The following MAN2A1 variants were observed in gnomAD, a reference collection of about 807,000 sequenced individuals.
MAN2A1 encodes the protein mannosidase alpha class 2A member 1.
MAN2A1 carries 76 observed loss-of-function variants against 142.6 expected under a neutral mutation model. The ratio of observed to expected loss-of-function variants is 0.53; its 90% CI spans 0.44 to 0.65. The LOEUF (loss-of-function observed/expected upper bound fraction) is 0.65, where lower values mean the gene tolerates loss of function less well. Among genes scored for constraint, MAN2A1 ranks in the 30% least tolerant of loss-of-function variants. The pLI, the probability that MAN2A1 is intolerant of heterozygous loss-of-function variation, is 0.00. For synonymous variants in MAN2A1, 559 were observed against 473.2 expected (o/e 1.18, Z -2.35); for missense variants, 1,311 against 1,365.1 (o/e 0.96, Z 0.62).
At chr5:109,692,964 A>T (rs1036762454) in intron 1 of MAN2A1, among the ~76,000 whole-genome samples, 1 of 152,036 alleles carries the variant, frequency 6.6e-6, no homozygotes, top group Admixed American at 6.6e-5. Flanking sequence ...TGCTGATCTG[A>T]CAGGAGGTGG....
chr5:109,710,747 A>T (rs1042517357), intron 1 of MAN2A1, among the ~76,000 whole-genome samples: 1 of 151,642 alleles, frequency 6.6e-6, no homozygotes, highest in African/African-American at 2.4e-5. Context: ...CTGGGGTGCA[A>T]TGGTGCGATC....
At chr5:109,746,976 T>A (rs1752426077) in intron 4 of MAN2A1, among the ~76,000 whole-genome samples, 1 of 152,246 alleles carries the variant, frequency 6.6e-6, no homozygotes, top group African/African-American at 2.4e-5. Flanking sequence ...GATATTCCCC[T>A]GTATGTATTG....
At chr5:109,752,199 C>G (rs931285613) in intron 4 of MAN2A1, among the ~76,000 whole-genome samples, 4 of 152,164 alleles carry the variant, frequency 2.6e-5, no homozygotes, top group Admixed American at 6.6e-5. Flanking sequence ...TCTTCCTCCT[C>G]CTCCATATTT....
intron 9 of MAN2A1, 29 bp downstream of exon 9, chr5:109,781,627 A>AT (rs1349115895): frequency 7.0e-7 from 1 of 1,429,274 alleles, no homozygotes; most frequent in Non-Finnish European, 9.5e-7. Flanking sequence ...AGCTACATGT[A>AT]TTTTTTCACT....
chr5:109,850,808 T>C (rs961272502), intron 19 of MAN2A1, among the ~76,000 whole-genome samples: 9 of 152,202 alleles, frequency 5.9e-5, no homozygotes, highest in Non-Finnish European at 1.3e-4. Context: ...TAATTTAATG[T>C]TTTTATGTTG....
intron 20 of MAN2A1, among the ~76,000 whole-genome samples, chr5:109,858,440 A>G (rs572561163): frequency 6.7e-6 from 1 of 150,132 alleles, no homozygotes. Flanking sequence ...TGCTTATACT[A>G]AAAAAAAAGA....
At chr5:109,786,474 T>A (rs189297822) in intron 10 of MAN2A1, among the ~76,000 whole-genome samples, 279 of 152,222 alleles carry the variant, frequency 1.8e-3, no homozygotes, top group Non-Finnish European at 3.3e-3. Context: ...GGAAGAGCTA[T>A]CATTGGTTCC....
At chr5:109,721,950 A>G (rs1318866152) in intron 3 of MAN2A1, among the ~76,000 whole-genome samples, 3 of 152,184 alleles carry the variant, frequency 2.0e-5, no homozygotes, top group Non-Finnish European at 4.4e-5. Flanking sequence ...CCTTTCAGCA[A>G]CTTCATGACA....
intron 3 of MAN2A1, among the ~76,000 whole-genome samples, chr5:109,724,073 T>C (rs1415332510): frequency 2.0e-5 from 3 of 152,230 alleles, no homozygotes; most frequent in African/African-American, 7.2e-5. Context: ...AATAGAAGTG[T>C]TGGAATTAAA....
chr5:109,739,226 T>C (rs1315230837), intron 4 of MAN2A1, among the ~76,000 whole-genome samples: 1 of 152,188 alleles, frequency 6.6e-6, no homozygotes, highest in Non-Finnish European at 1.5e-5. Context: ...GAAGGTAACT[T>C]TTTCCCCATG....
chr5:109,713,433 A>G, intron 1 of MAN2A1, 87 bp from the exon 2 acceptor site: 2 of 1,175,816 alleles, frequency 1.7e-6, no homozygotes, highest in Non-Finnish European at 2.3e-6. Flanking sequence ...CTCGTAGGCA[A>G]CCACATAATT....
intron 1 of MAN2A1, among the ~76,000 whole-genome samples, chr5:109,712,188 G>A (rs1751320763): frequency 1.3e-5 from 2 of 151,062 alleles, no homozygotes; most frequent in African/African-American, 4.9e-5. Context: ...GCCTTTTCTT[G>A]GTAGATCTCA....
intron 12 of MAN2A1, 97 bp from the exon 13 acceptor site, chr5:109,817,176 A>G (rs960185682): frequency 9.1e-6 from 2 of 218,832 alleles, no homozygotes; most frequent in Admixed American, 1.2e-4. Context: ...AAAAATATAT[A>G]TGTATATGTA....
chr5:109,845,933 C>T lies in MAN2A1; in HGVS notation c.2769C>T (p.Ala923=). 1 of 1,613,764 alleles carries T rather than the reference C, an allele frequency of 6.2e-7. No individual in the cohort carries two copies. Among genetic ancestry groups the T allele is most frequent in the Non-Finnish European group, 8.5e-7 (1 of 1,179,736 alleles). The part of the protein sequence containing the change: ...QANVYPMTTM[A]YIQDAKHRLT... ...ATGTCTATCCCATGACCACAATGGC[C>T]TATATCCAGGATGCCAAACATCGTT... The change falls in exon 18 of 22, where the codon GCC becomes GCT. Residue 923 remains alanine, a synonymous_variant. Coordinates refer to ENST00000261483, the MANE Select transcript of MAN2A1 (RefSeq NM_002372.4).
rs973243876 is a variant in MAN2A1, at chr5:109,867,111, C to G, written c.*113C>G. The G allele has an allele frequency of 5.2e-5, 29 of 562,256 alleles. No homozygotes were observed. Among genetic ancestry groups the G allele is most frequent in the African/African-American group, 4.6e-4 (20 of 43,630 alleles). 34.8% of individuals were successfully genotyped at this position (562,256 alleles called of 1,614,324 possible). On this transcript the variant is annotated 3_prime_UTR_variant, in exon 22 of 22. Transcript: ENST00000261483. ...TCTGGCTACTGTGAGAACATGAATT[C>G]TGTGATTCTGTGGGTTTTTTCTTTT...
intron 16 of MAN2A1, among the ~76,000 whole-genome samples, chr5:109,829,709 C>G (rs1754855384): frequency 6.6e-6 from 1 of 152,176 alleles, no homozygotes; most frequent in African/African-American, 2.4e-5. Flanking sequence ...AAGCCCTGCT[C>G]TTGTCTGCAG....
At chr5:109,781,653 CT>C in intron 9 of MAN2A1, 55 bp downstream of exon 9, 1 of 1,247,158 alleles carries the variant, frequency 8.0e-7, no homozygotes, top group Non-Finnish European at 1.1e-6. Context: ...TTATCATAAT[CT>C]TTTTGTAGAG....
intron 20 of MAN2A1, 93 bp from the exon 21 acceptor site, chr5:109,864,943 T>C (rs931278385): frequency 2.3e-6 from 2 of 881,482 alleles, no homozygotes; most frequent in Admixed American, 1.9e-5. Flanking sequence ...TAAATGTGCT[T>C]TTGGATGCTG....
At chr5:109,725,102 G>A (rs959220234) in intron 3 of MAN2A1, among the ~76,000 whole-genome samples, 2 of 152,056 alleles carry the variant, frequency 1.3e-5, no homozygotes, top group Non-Finnish European at 2.9e-5. Context: ...AAATTTGCAG[G>A]AACTGGGGCA....
Sources: gnomAD v4.1 joint callset for allele counts (sites outside exome capture counted in the v4.1 genomes callset) on GRCh38, gnomAD v4.1.1 for gene constraint, MANE v1.5 for transcripts, NCBI Gene and HGNC (gene_info 2026-07-23, HGNC 2026-07-21) for gene names.